Variants in AGBL1 observed in about 807,000 individuals in gnomAD.
AGBL1 encodes AGBL carboxypeptidase 1, also known as cytosolic carboxypeptidase 4.
A neutral mutation model predicts 118.9 loss-of-function variants in AGBL1; 130 were observed. That is an observed-to-expected ratio of 1.09 (90% CI 0.95 to 1.26). AGBL1 has a LOEUF of 1.26. AGBL1 is among the 50% of genes most tolerant of loss of function. The pLI, the probability that AGBL1 is intolerant of heterozygous loss-of-function variation, is 0.00. For missense variants in AGBL1, 1,584 were observed against 1,298.1 expected, an observed-to-expected ratio of 1.22 and a Z score of -3.38; for synonymous variants, 555 against 478.9, an observed-to-expected ratio of 1.16 and a Z score of -2.08.
At chr15:86,791,136 G>A (rs980791560) in intron 22 of AGBL1, among the ~76,000 whole-genome samples, 3 of 152,186 alleles carry the variant, frequency 2.0e-5, no homozygotes, top group African/African-American at 7.2e-5. Flanking sequence ...AACGTAAAAT[G>A]ATTTGCCACA....
At chr15:86,995,359 G>A (rs1397664856) in intron 24 of AGBL1, among the ~76,000 whole-genome samples, 1 of 152,114 alleles carries the variant, frequency 6.6e-6, no homozygotes, top group Non-Finnish European at 1.5e-5. Context: ...GTACTCCAGG[G>A]TGAGTGACAG....
At chr15:86,929,112 GTCC>G (rs2080577998) in intron 23 of AGBL1, among the ~76,000 whole-genome samples, 1 of 152,006 alleles carries the variant, frequency 6.6e-6, no homozygotes, top group African/African-American at 2.4e-5. Context: ...TGTCTGCCAT[GTCC>G]TCCTCCTCAG....
intron 23 of AGBL1, among the ~76,000 whole-genome samples, chr15:86,944,625 G>C (rs2080794523): frequency 6.6e-6 from 1 of 152,114 alleles, no homozygotes; most frequent in Non-Finnish European, 1.5e-5. Context: ...AACTGTTTAA[G>C]ATAGTCCAAG....
chr15:86,271,112 G>A (rs1045410812), intron 14 of AGBL1, among the ~76,000 whole-genome samples: 2 of 143,730 alleles, frequency 1.4e-5, no homozygotes, highest in African/African-American at 5.2e-5. Context: ...GTGCAGTGGT[G>A]TGATCTCCGC....
intron 22 of AGBL1, among the ~76,000 whole-genome samples, chr15:86,754,729 C>A (rs773619905): frequency 6.6e-6 from 1 of 152,090 alleles, no homozygotes; most frequent in Non-Finnish European, 1.5e-5. Context: ...GCTTATGGCA[C>A]TAATATCCCT....
chr15:86,939,299 G>A (rs1370518566), intron 23 of AGBL1, among the ~76,000 whole-genome samples: 1 of 152,328 alleles, frequency 6.6e-6, no homozygotes, highest in African/African-American at 2.4e-5. Context: ...GATAGAAAGA[G>A]CAGACTTGCT....
intron 7 of AGBL1, among the ~76,000 whole-genome samples, chr15:86,255,616 C>T (rs184242685): frequency 6.6e-6 from 1 of 152,280 alleles, no homozygotes; most frequent in East Asian, 1.9e-4. Flanking sequence ...AACCCCGTCT[C>T]TATTCAAAAT....
intron 15 of AGBL1, among the ~76,000 whole-genome samples, chr15:86,275,224 A>G (rs1175300568): frequency 1.3e-5 from 2 of 152,194 alleles, no homozygotes; most frequent in Admixed American, 6.5e-5. Flanking sequence ...GTAATACACA[A>G]CGGCTGATCT....
intron 22 of AGBL1, among the ~76,000 whole-genome samples, chr15:86,694,367 G>A (rs1035780499): frequency 6.6e-6 from 1 of 152,060 alleles, no homozygotes; most frequent in South Asian, 2.1e-4. Context: ...AACGTAAAGG[G>A]TGTTGAGTTA....
intron 21 of AGBL1, among the ~76,000 whole-genome samples, chr15:86,664,928 C>G (rs1193091699): frequency 6.6e-6 from 1 of 151,854 alleles, no homozygotes; most frequent in African/African-American, 2.4e-5. Context: ...GTGGCAAAAG[C>G]AATTAGGTAA....
intron 22 of AGBL1, among the ~76,000 whole-genome samples, chr15:86,821,510 T>TA (rs1431054676): frequency 6.6e-6 from 1 of 152,058 alleles, no homozygotes; most frequent in Non-Finnish European, 1.5e-5. Context: ...GACCAAGTTT[T>TA]AAAAAAGATA....
At chr15:86,279,254 G>A (rs1420202060) in intron 15 of AGBL1, among the ~76,000 whole-genome samples, 2 of 152,188 alleles carry the variant, frequency 1.3e-5, no homozygotes, top group Non-Finnish European at 2.9e-5. Context: ...TAGGGATTGG[G>A]GGAACCCAAA....
At chr15:87,023,231 G>T (rs932720354) in intron 24 of AGBL1, among the ~76,000 whole-genome samples, 1 of 151,946 alleles carries the variant, frequency 6.6e-6, no homozygotes, top group East Asian at 1.9e-4. Flanking sequence ...CTGCCCTCAA[G>T]ATACTCATTT....
At chr15:86,694,611 G>C (rs1244018798) in intron 22 of AGBL1, among the ~76,000 whole-genome samples, 1 of 151,984 alleles carries the variant, frequency 6.6e-6, no homozygotes, top group Non-Finnish European at 1.5e-5. Flanking sequence ...TGATTGCTCT[G>C]ACTAGGACTC....
intron 17 of AGBL1, among the ~76,000 whole-genome samples, chr15:86,343,105 C>T (rs1326735865): frequency 2.6e-5 from 4 of 152,142 alleles, no homozygotes; most frequent in Non-Finnish European, 4.4e-5. Flanking sequence ...TGGACATTTT[C>T]ATGTTACCCA....
intron 22 of AGBL1, among the ~76,000 whole-genome samples, chr15:86,814,655 A>G (rs1293915797): frequency 3.3e-5 from 5 of 152,186 alleles, no homozygotes; most frequent in Admixed American, 3.3e-4. Flanking sequence ...ATCTGGTTCA[A>G]ATGATTCTAT....
At chr15:86,391,523 C>G (rs2081284793) in intron 17 of AGBL1, among the ~76,000 whole-genome samples, 1 of 151,880 alleles carries the variant, frequency 6.6e-6, no homozygotes, top group Non-Finnish European at 1.5e-5. Flanking sequence ...CTGCATGATT[C>G]CACCTTGAAA....
chr15:86,512,785 G>A (rs1405981965), intron 18 of AGBL1, among the ~76,000 whole-genome samples: 2 of 151,516 alleles, frequency 1.3e-5, no homozygotes, highest in East Asian at 1.9e-4. Flanking sequence ...TTTCTCTAAA[G>A]GCATTATTTG....
intron 17 of AGBL1, among the ~76,000 whole-genome samples, chr15:86,355,174 G>A (rs1432570930): frequency 3.3e-5 from 5 of 152,154 alleles, no homozygotes; most frequent in South Asian, 2.1e-4. Context: ...ATTGTCTGAA[G>A]TCTTTAGATT....
Sources: allele counts gnomAD v4.1 joint callset (sites outside exome capture counted in the v4.1 genomes callset), GRCh38; gene constraint gnomAD v4.1.1; transcripts MANE v1.5; gene names NCBI Gene and HGNC (gene_info 2026-07-23, HGNC 2026-07-21).